MCTP2: variants seen among roughly 807,000 people sequenced by gnomAD.
MCTP2 encodes the protein multiple C2 and transmembrane domain containing 2, also known as multiple C2 and transmembrane domain-containing protein 2.
In MCTP2, 132 loss-of-function variants were observed where a neutral mutation model predicts 111.6. That is an observed-to-expected ratio of 1.18 (90% CI 1.03 to 1.37). The LOEUF (loss-of-function observed/expected upper bound fraction) is 1.37, where lower values mean the gene tolerates loss of function less well. MCTP2 is among the 40% of genes most tolerant of loss of function. The probability of loss-of-function intolerance (pLI) is 0.00; values close to 1 mark genes in which losing one functional copy is unlikely to be tolerated. For synonymous variants in MCTP2, 395 were observed against 387.7 expected, an observed-to-expected ratio of 1.02 and a Z score of -0.22; for missense variants, 1,183 against 1,067.9, an observed-to-expected ratio of 1.11 and a Z score of -1.50.
chr15:94,336,702 T>C (rs1035623698), intron 4 of MCTP2, among the ~76,000 whole-genome samples: 1 of 151,092 alleles, frequency 6.6e-6, no homozygotes, highest in African/African-American at 2.4e-5. Context: ...TATGTATGTA[T>C]GTGCATATAT....
chr15:94,334,623 A>T (rs900683812), intron 4 of MCTP2, among the ~76,000 whole-genome samples: 3 of 152,128 alleles, frequency 2.0e-5, no homozygotes, highest in Non-Finnish European at 4.4e-5. Flanking sequence ...GTAAACTCTA[A>T]ATCTTGGGCT....
chr15:94,275,177 T>C (rs138721616), intron 1 of MCTP2, among the ~76,000 whole-genome samples: 174 of 152,314 alleles, frequency 1.1e-3, no homozygotes, highest in African/African-American at 4.0e-3. Context: ...GTATTTATCT[T>C]AGAAAGTCTA....
chr15:94,251,518 C>T (rs1215517399), intron 1 of MCTP2, among the ~76,000 whole-genome samples: 1 of 151,808 alleles, frequency 6.6e-6, no homozygotes, highest in African/African-American at 2.4e-5. Context: ...GCCACCACGC[C>T]TGGCTAATTT....
In MCTP2 at chr15:94,479,120, G is replaced by T; in HGVS notation, c.*86G>T. ...TATGGCTGTTTCAGTGGTACCCAAGGTGTCCTTCTGAAATGCATGCCCTGT... is the reference window on the plus strand; with the variant it reads ...TATGGCTGTTTCAGTGGTACCCAAGTTGTCCTTCTGAAATGCATGCCCTGT... On this transcript the variant is annotated 3_prime_UTR_variant, in exon 23 of 23. Coordinates refer to ENST00000357742, the MANE Select transcript of MCTP2 (RefSeq NM_001385001.1). 7.4e-7 allele frequency: 1 copy of T among 1,349,352 alleles called. No homozygotes were observed. The highest frequency in any genetic ancestry group is 1.1e-6 in the Non-Finnish European group (1 of 941,214). The allele number at this position is 1,349,352 out of a possible 1,614,324, so 83.6% of individuals were successfully genotyped here. A position where few individuals can be genotyped will look rare whatever the true frequency, so the allele number is the denominator to read the frequency against.
rs1039506460 is a variant in MCTP2 at position 94,441,145 on chromosome 15, C to G, written c.2208+847C>G. 1.7e-4 allele frequency among the ~76,000 whole-genome samples: 26 copies of G among 152,192 alleles called. 1 individual carries two copies. Among genetic ancestry groups the G allele is most frequent in the Non-Finnish European group, 1.5e-5 (1 of 68,032 alleles). On this transcript the variant is annotated intron_variant, in intron 18 of 22. Coordinates refer to ENST00000357742, the MANE Select transcript of MCTP2 (RefSeq NM_001385001.1). ...TTCCCAAGAGTCAATCAAACCCTGA[C>G]TGTTTTTATTTTTCCTTATGTCCTC...
chr15:94,375,134 GAGC>G (rs59259099), intron 12 of MCTP2, among the ~76,000 whole-genome samples: 4,776 of 152,206 alleles, frequency 0.031, 227 homozygotes, highest in African/African-American at 0.1. Context: ...AAGAGCAGTG[GAGC>G]AGGAGTCTTA....
chr15:94,256,573 G>A (rs1256457416), intron 1 of MCTP2, among the ~76,000 whole-genome samples: 2 of 152,178 alleles, frequency 1.3e-5, no homozygotes, highest in African/African-American at 4.8e-5. Context: ...TAAATTGAGA[G>A]GCTATTTTGA....
chr15:94,448,226 G>A (rs1271773429), intron 19 of MCTP2, among the ~76,000 whole-genome samples: 1 of 152,172 alleles, frequency 6.6e-6, no homozygotes, highest in East Asian at 1.9e-4. Context: ...AATAGTATCA[G>A]TCTGGCCTTC....
At chr15:94,430,579 A>T (rs2083130192) in intron 17 of MCTP2, among the ~76,000 whole-genome samples, 1 of 7,240 alleles carries the variant, frequency 1.4e-4, no homozygotes, top group South Asian at 4.7e-3. Context: ...TAAAAATACA[A>T]AAAAAAAAAA....
intron 20 of MCTP2, among the ~76,000 whole-genome samples, chr15:94,458,827 C>G (rs1193110334): frequency 6.6e-6 from 1 of 152,200 alleles, no homozygotes; most frequent in Non-Finnish European, 1.5e-5. Context: ...CTACTCAACT[C>G]TGTTGTTAAA....
chr15:94,287,577 G>A (rs886846162), intron 1 of MCTP2, among the ~76,000 whole-genome samples: 18 of 152,158 alleles, frequency 1.2e-4, no homozygotes, highest in Admixed American at 9.8e-4. Context: ...AATGAGTTCC[G>A]GTTCTGAATA....
intron 17 of MCTP2, among the ~76,000 whole-genome samples, chr15:94,421,255 T>A (rs1596653252): frequency 6.6e-6 from 1 of 152,288 alleles, no homozygotes. Flanking sequence ...ATCTTTATTA[T>A]GTACTGGGAA....
chr15:94,265,320 T>C (rs1029198457), intron 1 of MCTP2, among the ~76,000 whole-genome samples: 2 of 152,200 alleles, frequency 1.3e-5, no homozygotes, highest in African/African-American at 2.4e-5. Context: ...AAAATGGTAA[T>C]GGCAGACAGA....
intron 17 of MCTP2, among the ~76,000 whole-genome samples, chr15:94,436,767 A>G (rs1465023787): frequency 6.6e-6 from 1 of 152,114 alleles, no homozygotes; most frequent in Admixed American, 6.5e-5. Context: ...TCTTACTTGA[A>G]GTTACATTTA....
intron 19 of MCTP2, among the ~76,000 whole-genome samples, chr15:94,448,542 A>C (rs944950997): frequency 2.0e-5 from 3 of 152,208 alleles, no homozygotes; most frequent in African/African-American, 7.2e-5. Flanking sequence ...TTATCAAAGG[A>C]AATGATCATT....
intron 22 of MCTP2, among the ~76,000 whole-genome samples, chr15:94,477,014 C>G (rs1417383935): frequency 6.6e-6 from 1 of 152,146 alleles, no homozygotes; most frequent in African/African-American, 2.4e-5. Context: ...TAAGTATGAT[C>G]TGGAACTCAC....
At chr15:94,468,076 TAAAC>T (rs551342107) in intron 20 of MCTP2, among the ~76,000 whole-genome samples, 41 of 151,458 alleles carry the variant, frequency 2.7e-4, no homozygotes, top group Middle Eastern at 3.4e-3. Context: ...ATGTTAATCA[TAAAC>T]AAAGCAACAA....
At chr15:94,357,540 T>A (rs2078693611) in intron 9 of MCTP2, among the ~76,000 whole-genome samples, 1 of 146,882 alleles carries the variant, frequency 6.8e-6, no homozygotes, top group Non-Finnish European at 1.5e-5. Context: ...CTAACAGGGC[T>A]TTTCTTGTTT....
Position 94,250,052 on chromosome 15 carries a change from T to C in MCTP2, c.-66+18388T>C, listed in dbSNP as rs1158512215. On this transcript the variant is annotated intron_variant, in intron 1 of 22. Transcript: ENST00000357742. ...CAGCCATCAGTGATTTTTTCATTTT[T>C]TTTTTCCCCAACTTAAGCCATACTT... Among the ~76,000 whole-genome samples, 3 of 152,192 alleles carry C rather than the reference T, an allele frequency of 2.0e-5. No homozygotes were observed. The South Asian group carries it at 6.2e-4, about 32-fold the overall frequency.
Sources: allele counts gnomAD v4.1 joint callset (sites outside exome capture counted in the v4.1 genomes callset), GRCh38; gene constraint gnomAD v4.1.1; transcripts MANE v1.5; gene names NCBI Gene and HGNC (gene_info 2026-07-23, HGNC 2026-07-21).